ERI1: variants seen among roughly 807,000 people sequenced by gnomAD.
ERI1 encodes exoribonuclease 1.
In ERI1, 39 loss-of-function variants were observed where a neutral mutation model predicts 39.7. The observed-to-expected ratio is 0.98, with a 90% CI of 0.76 to 1.28. The LOEUF is 1.28. ERI1 is among the 50% of genes most tolerant of loss of function. The pLI is 0.00. For missense variants in ERI1, 581 were observed against 416.9 expected, an observed-to-expected ratio of 1.39 and a Z score of -3.43; for synonymous variants, 204 against 149.6, an observed-to-expected ratio of 1.36 and a Z score of -2.65.
intron 3 of ERI1, among the ~76,000 whole-genome samples, chr8:9,040,399 T>G (rs1457068128): frequency 6.6e-6 from 1 of 152,196 alleles, no homozygotes; most frequent in East Asian, 1.9e-4. Flanking sequence ...GGCTTCTGCT[T>G]TGTTCTCTGT....
chr8:9,027,296 G>A (rs1797245926), intron 6 of ERI1, among the ~76,000 whole-genome samples: 1 of 152,064 alleles, frequency 6.6e-6, no homozygotes, highest in African/African-American at 2.4e-5. Context: ...GGCATATCAT[G>A]TTTGGAGAAA....
chr8:9,039,376 TCATGAATCAAATCAGA>T (rs1307361549), intron 3 of ERI1, among the ~76,000 whole-genome samples: 1 of 152,182 alleles, frequency 6.6e-6, no homozygotes, highest in African/African-American at 2.4e-5. Flanking sequence ...AATATCCATG[TCATGAATCAAATCAGA>T]CTGACTTTGT....
At chr8:9,045,559 G>A (rs1256431973) in intron 3 of ERI1, among the ~76,000 whole-genome samples, 1 of 152,074 alleles carries the variant, frequency 6.6e-6, no homozygotes, top group Non-Finnish European at 1.5e-5. Flanking sequence ...CTACTGGGGA[G>A]GCCAAGGCAG....
rs139392797 is a variant in ERI1 at position 9,061,393 on chromosome 8, G to A, written n.299+40929G>A. Among the ~76,000 whole-genome samples the A allele has an allele frequency of 3.4e-4, 51 of 152,124 alleles. No homozygotes were observed. In the East Asian group the frequency reaches 3.5e-3, roughly 10 times the overall value. ...AAGAGTGAGTACAGCTGAAGGACCC[G>A]GGGAGCAGAAAGTATATGCATCAGG... On this transcript the variant is annotated intron_variant and non_coding_transcript_variant, in intron 3 of 3. Coordinates refer to the ERI1 transcript ENST00000518663.
chr8:9,067,396 G>GTA (rs1226779578), intron 3 of ERI1, among the ~76,000 whole-genome samples: 1 of 148,978 alleles, frequency 6.7e-6, no homozygotes, highest in Non-Finnish European at 1.5e-5. Flanking sequence ...GTGTGTGTGT[G>GTA]TGTGTGTGTG....
At chr8:9,077,952 C>T (rs1563092063) in intron 3 of ERI1, among the ~76,000 whole-genome samples, 1 of 152,182 alleles carries the variant, frequency 6.6e-6, no homozygotes, top group Non-Finnish European at 1.5e-5. Flanking sequence ...AGAATACTCT[C>T]ATGGTCTTGG....
chr8:9,043,370 C>T (rs560059942), intron 3 of ERI1, among the ~76,000 whole-genome samples: 2 of 152,206 alleles, frequency 1.3e-5, no homozygotes, highest in South Asian at 2.1e-4. Context: ...ATAATCAGAG[C>T]TGTGCCTGGA....
intron 6 of ERI1, among the ~76,000 whole-genome samples, chr8:9,022,912 C>G (rs749883264): frequency 1.3e-4 from 20 of 152,276 alleles, no homozygotes; most frequent in Middle Eastern, 3.4e-3. Context: ...ATTATGTTAT[C>G]TGATCTGTAA....
At chr8:9,039,270 A>C (rs1218355609) in intron 3 of ERI1, among the ~76,000 whole-genome samples, 1 of 152,194 alleles carries the variant, frequency 6.6e-6, no homozygotes, top group East Asian at 1.9e-4. Flanking sequence ...TAGTGCTTTA[A>C]ATATATTTTT....
At chr8:9,093,357 G>A (rs1168188122) in intron 3 of ERI1, among the ~76,000 whole-genome samples, 3 of 152,160 alleles carry the variant, frequency 2.0e-5, no homozygotes, top group Non-Finnish European at 4.4e-5. Context: ...GGTTGGACAA[G>A]CTTGAAACAC....
At chr8:9,021,298 T>G (rs1276614341) in intron 6 of ERI1, among the ~76,000 whole-genome samples, 2 of 152,228 alleles carry the variant, frequency 1.3e-5, no homozygotes, top group African/African-American at 4.8e-5. Context: ...GTTTTTCCCT[T>G]GCAGACTATC....
chr8:9,067,124 T>A (rs982760879), intron 3 of ERI1, among the ~76,000 whole-genome samples: 1 of 152,158 alleles, frequency 6.6e-6, no homozygotes, highest in Admixed American at 6.5e-5. Flanking sequence ...GCAAGTGATA[T>A]GACATAAAAT....
At chr8:9,070,973 T>C (rs1055952426) in intron 3 of ERI1, among the ~76,000 whole-genome samples, 2 of 152,180 alleles carry the variant, frequency 1.3e-5, no homozygotes, top group South Asian at 2.1e-4. Context: ...GCCATCACTC[T>C]GTACCCCTGC....
At chr8:9,008,238 A>G (rs138338597) in intron 2 of ERI1, 90 bp downstream of exon 2, 623 of 1,122,870 alleles carry the variant, frequency 5.5e-4, no homozygotes, top group Non-Finnish European at 7.3e-4. Flanking sequence ...AATCATCTGT[A>G]ATCCTACCGT....
intron 3 of ERI1, among the ~76,000 whole-genome samples, chr8:9,067,463 T>A (rs1290947604): frequency 1.3e-5 from 2 of 151,122 alleles, no homozygotes; most frequent in Non-Finnish European, 3.0e-5. Context: ...TGACCTAGCC[T>A]GGGCAACATA....
chr8:9,059,604 C>T (rs531208066), intron 3 of ERI1, among the ~76,000 whole-genome samples: 72 of 152,080 alleles, frequency 4.7e-4, no homozygotes, highest in African/African-American at 1.7e-3. Context: ...GGGAATAAGA[C>T]AAGGAGAAAA....
At chr8:9,060,762 G>T (rs1437992041) in intron 3 of ERI1, among the ~76,000 whole-genome samples, 1 of 152,220 alleles carries the variant, frequency 6.6e-6, no homozygotes, top group Non-Finnish European at 1.5e-5. Flanking sequence ...AAGGACAGAA[G>T]TTGGAAAGCT....
downstream of ERI1, among the ~76,000 whole-genome samples, chr8:9,034,169 A>ACTTGGGTAAGGGT (rs1006950526): frequency 6.6e-6 from 1 of 152,244 alleles, no homozygotes; most frequent in African/African-American, 2.4e-5. Flanking sequence ...CCTTACCAAG[A>ACTTGGGTAAGGGT]CTTGGGTAAG....
intron 4 of ERI1, among the ~76,000 whole-genome samples, chr8:9,017,637 G>A (rs1025306247): frequency 2.0e-5 from 3 of 152,128 alleles, no homozygotes; most frequent in Non-Finnish European, 4.4e-5. Context: ...GATGAACTTG[G>A]GCTGAGTCAT....
Sources: allele counts gnomAD v4.1 joint callset (sites outside exome capture counted in the v4.1 genomes callset), GRCh38; gene constraint gnomAD v4.1.1; transcripts MANE v1.5; gene names NCBI Gene and HGNC (gene_info 2026-07-23, HGNC 2026-07-21).